Variants in SYT14 observed in about 807,000 individuals in gnomAD.
The protein encoded by SYT14 is synaptotagmin 14, also known as synaptotagmin-14.
A neutral mutation model predicts 74.2 loss-of-function variants in SYT14; 32 were observed. The ratio of observed to expected loss-of-function variants is 0.43; its 90% CI spans 0.33 to 0.58. The LOEUF (loss-of-function observed/expected upper bound fraction) is 0.58. Ranked by LOEUF, SYT14 falls within the 20% of genes least tolerant of loss-of-function variation. The pLI is 0.05. For missense variants in SYT14, 791 were observed against 981.8 expected (o/e 0.81, Z 2.60); for synonymous variants, 298 against 337.7 (o/e 0.88, Z 1.29).
chr1:210,077,349 C>T (rs547111503), intron 5 of SYT14, among the ~76,000 whole-genome samples: 20 of 152,318 alleles, frequency 1.3e-4, no homozygotes, highest in Admixed American at 9.8e-4. Flanking sequence ...ATCACCCAAA[C>T]GCTTGCCACC....
At chr1:210,035,044 A>G (rs1280770771) in intron 5 of SYT14, among the ~76,000 whole-genome samples, 1 of 151,880 alleles carries the variant, frequency 6.6e-6, no homozygotes, top group African/African-American at 2.4e-5. Flanking sequence ...TGTTTCAGAA[A>G]TCTACATACT....
intron 1 of SYT14, among the ~76,000 whole-genome samples, chr1:209,943,950 A>G (rs1407874713): frequency 6.6e-6 from 1 of 152,082 alleles, no homozygotes; most frequent in Non-Finnish European, 1.5e-5. Flanking sequence ...GAAGGGGGAA[A>G]TAGTGACAAC....
intron 7 of SYT14, among the ~76,000 whole-genome samples, chr1:210,102,217 C>T (rs1572301877): frequency 6.6e-6 from 1 of 152,020 alleles, no homozygotes; most frequent in African/African-American, 2.4e-5. Flanking sequence ...AGCCCAGGAC[C>T]TAATAGTTAA....
chr1:210,128,054 T>C (rs1435986065), intron 7 of SYT14, among the ~76,000 whole-genome samples: 2 of 151,128 alleles, frequency 1.3e-5, no homozygotes, highest in East Asian at 3.9e-4. Flanking sequence ...GATGATTAGA[T>C]CTATGACTAT....
At chr1:210,114,437 A>G (rs1321982115) in intron 7 of SYT14, among the ~76,000 whole-genome samples, 1 of 151,320 alleles carries the variant, frequency 6.6e-6, no homozygotes, top group Non-Finnish European at 1.5e-5. Context: ...GAGGTTAATC[A>G]AGTCCTGTTG....
At chr1:210,071,667 CAT>C (rs1202685451) in intron 5 of SYT14, among the ~76,000 whole-genome samples, 1 of 151,840 alleles carries the variant, frequency 6.6e-6, no homozygotes, top group Non-Finnish European at 1.5e-5. Flanking sequence ...AAAAAGATCT[CAT>C]ATGTAGTAGA....
intron 2 of SYT14, among the ~76,000 whole-genome samples, chr1:209,961,387 CTT>C (rs1169193691): frequency 6.6e-6 from 1 of 152,026 alleles, no homozygotes; most frequent in Non-Finnish European, 1.5e-5. Context: ...AATAAAGTAA[CTT>C]TTCTTTTTTC....
chr1:209,972,815 A>G (rs778306090), intron 2 of SYT14, among the ~76,000 whole-genome samples: 69 of 152,256 alleles, frequency 4.5e-4, no homozygotes, highest in Non-Finnish European at 4.7e-4. Flanking sequence ...AGAAGAATGT[A>G]TATTCTGTGG....
intron 5 of SYT14, among the ~76,000 whole-genome samples, chr1:210,056,680 G>T (rs2081103970): frequency 1.3e-5 from 1 of 75,800 alleles, no homozygotes; most frequent in African/African-American, 7.7e-5. Context: ...AAAAAAATTA[G>T]CCGGGTGTGG....
intron 5 of SYT14, among the ~76,000 whole-genome samples, chr1:210,090,207 A>G (rs1255382989): frequency 6.6e-6 from 1 of 152,142 alleles, no homozygotes; most frequent in Non-Finnish European, 1.5e-5. Context: ...CTTTTGATTC[A>G]GTTCTAGGAA....
chr1:210,149,576 G>C (rs1017279855), intron 7 of SYT14, among the ~76,000 whole-genome samples: 1 of 152,038 alleles, frequency 6.6e-6, no homozygotes, highest in African/African-American at 2.4e-5. Flanking sequence ...TTATGTGAAT[G>C]TTCTATGATT....
chr1:210,133,095 C>A (rs1426344971), intron 7 of SYT14, among the ~76,000 whole-genome samples: 1 of 152,170 alleles, frequency 6.6e-6, no homozygotes, highest in Non-Finnish European at 1.5e-5. Context: ...AAAGGTGGTA[C>A]CTTCTTTTAA....
At chr1:210,126,405 A>T (rs2082572133) in intron 7 of SYT14, among the ~76,000 whole-genome samples, 1 of 151,790 alleles carries the variant, frequency 6.6e-6, no homozygotes, top group Non-Finnish European at 1.5e-5. Flanking sequence ...GCTTAAGAAG[A>T]GGCAGAGTGA....
intron 7 of SYT14, among the ~76,000 whole-genome samples, chr1:210,106,337 G>A (rs1034603190): frequency 6.6e-6 from 1 of 152,148 alleles, no homozygotes; most frequent in African/African-American, 2.4e-5. Context: ...GTCCCCATTT[G>A]GGCTGAGATG....
At chr1:210,037,184 T>A (rs112544415) in intron 5 of SYT14, among the ~76,000 whole-genome samples, 1,670 of 152,230 alleles carry the variant, frequency 0.011, 40 homozygotes, top group African/African-American at 0.038. Context: ...CAGGAATTTA[T>A]CCATTTCCTC....
intron 6 of SYT14, among the ~76,000 whole-genome samples, chr1:210,095,828 G>A (rs1473591040): frequency 6.6e-6 from 1 of 151,864 alleles, no homozygotes; most frequent in Non-Finnish European, 1.5e-5. Flanking sequence ...GAAGAAAATT[G>A]TATGCTGATA....
chr1:210,053,300 TTC>T (rs1440988880), intron 5 of SYT14, among the ~76,000 whole-genome samples: 1 of 152,194 alleles, frequency 6.6e-6, no homozygotes, highest in African/African-American at 2.4e-5. Flanking sequence ...ATTAACGTCT[TTC>T]TGCCAAGTTG....
At chr1:210,144,377 A>G (rs1030497772) in intron 7 of SYT14, among the ~76,000 whole-genome samples, 2 of 152,284 alleles carry the variant, frequency 1.3e-5, no homozygotes, top group Non-Finnish European at 2.9e-5. Flanking sequence ...AAGGAAGTAG[A>G]CATAGTTATT....
chr1:210,167,587 G>A (rs905442793), exon 10 of SYT14: 3 of 152,046 alleles, frequency 2.0e-5, no homozygotes, highest in Non-Finnish European at 2.9e-5. Flanking sequence ...AAAGATATGT[G>A]GTTATCCCAC....
Sources: gnomAD v4.1 joint callset for allele counts (sites outside exome capture counted in the v4.1 genomes callset) on GRCh38, gnomAD v4.1.1 for gene constraint, MANE v1.5 for transcripts, NCBI Gene and HGNC (gene_info 2026-07-23, HGNC 2026-07-21) for gene names.